Variants in ARB2A observed in about 807,000 individuals in gnomAD.
The protein encoded by ARB2A is cotranscriptional regulator ARB2A.
At chr5:94,021,856 G>A in the ARB2A span, among the ~76,000 whole-genome samples, 23 of 152,150 alleles carry the variant, frequency 1.5e-4, no homozygotes, top group Non-Finnish European at 2.6e-4. Flanking sequence ...TGGATCACCC[G>A]AGGTCAGTTC....
the ARB2A span, chr5:93,881,507 G>C: frequency 6.2e-7 from 1 of 1,610,406 alleles, no homozygotes; most frequent in Admixed American, 1.7e-5. Flanking sequence ...TTCTCTTTGG[G>C]GGTTACGATA....
chr5:93,854,758 T>C, the ARB2A span, among the ~76,000 whole-genome samples: 1 of 152,206 alleles, frequency 6.6e-6, no homozygotes, highest in East Asian at 1.9e-4. Flanking sequence ...TTCCATGTAG[T>C]TGAGCAGTTT....
chr5:94,061,244 G>GA, the ARB2A span, among the ~76,000 whole-genome samples: 82 of 150,094 alleles, frequency 5.5e-4, no homozygotes, highest in Non-Finnish European at 9.4e-4. Flanking sequence ...TCTCAAAAAA[G>GA]AAAAAAAAAT....
chr5:93,855,340 G>A, the ARB2A span, among the ~76,000 whole-genome samples: 131 of 152,046 alleles, frequency 8.6e-4, 1 homozygote, highest in South Asian at 7.9e-3. Context: ...TTTATTTTGA[G>A]CCTATGTGTG....
the ARB2A span, among the ~76,000 whole-genome samples, chr5:93,646,725 A>G: frequency 6.6e-6 from 1 of 152,134 alleles, no homozygotes; most frequent in African/African-American, 2.4e-5. Flanking sequence ...TACATCATGT[A>G]TAGTGATGTG....
At chr5:93,975,087 G>A in the ARB2A span, among the ~76,000 whole-genome samples, 137 of 152,122 alleles carry the variant, frequency 9.0e-4, no homozygotes, top group African/African-American at 3.3e-3. Flanking sequence ...GGCTGAGGCA[G>A]GCGGATCAAG....
chr5:94,082,766 G>A, the ARB2A span, among the ~76,000 whole-genome samples: 2 of 151,614 alleles, frequency 1.3e-5, no homozygotes, highest in Non-Finnish European at 2.9e-5. Context: ...AGCATTTCAT[G>A]TTTGTATATT....
the ARB2A span, among the ~76,000 whole-genome samples, chr5:93,846,035 A>G: frequency 1.4e-5 from 2 of 139,942 alleles, no homozygotes; most frequent in East Asian, 4.3e-4. Context: ...ACACACACAC[A>G]CAATCACACA....
At chr5:93,783,477 C>T in the ARB2A span, among the ~76,000 whole-genome samples, 1 of 152,172 alleles carries the variant, frequency 6.6e-6, no homozygotes. Context: ...GTGGTCCTTA[C>T]AGTGTACCAT....
At chr5:93,725,622 G>T in the ARB2A span, among the ~76,000 whole-genome samples, 2 of 152,118 alleles carry the variant, frequency 1.3e-5, no homozygotes, top group South Asian at 4.1e-4. Context: ...CAAGGACCTT[G>T]CTAATCCCAA....
the ARB2A span, among the ~76,000 whole-genome samples, chr5:93,781,613 C>T: frequency 6.1e-4 from 92 of 152,032 alleles, 1 homozygote; most frequent in African/African-American, 2.0e-3. Flanking sequence ...AATCTCCATA[C>T]TGTTTTCCAC....
At chr5:93,797,588 A>T in the ARB2A span, among the ~76,000 whole-genome samples, 1 of 152,282 alleles carries the variant, frequency 6.6e-6, no homozygotes, top group Non-Finnish European at 1.5e-5. Context: ...TTAGAAAGTC[A>T]ATTATGTATC....
the ARB2A span, among the ~76,000 whole-genome samples, chr5:93,747,113 G>T: frequency 2.0e-5 from 3 of 151,978 alleles, no homozygotes; most frequent in Non-Finnish European, 4.4e-5. Flanking sequence ...TCATTGCACT[G>T]CACAATAAAA....
chr5:94,071,243 TAACTG>T, the ARB2A span, among the ~76,000 whole-genome samples: 234 of 152,142 alleles, frequency 1.5e-3, no homozygotes, highest in African/African-American at 5.3e-3. Flanking sequence ...GTTTAAAAAT[TAACTG>T]AAAATAGATC....
chr5:93,723,808 T>A, the ARB2A span, among the ~76,000 whole-genome samples: 1 of 152,052 alleles, frequency 6.6e-6, no homozygotes, highest in Non-Finnish European at 1.5e-5. Flanking sequence ...AACATTTACA[T>A]TGATGTTAAC....
At chr5:93,950,434 G>T in the ARB2A span, among the ~76,000 whole-genome samples, 1 of 152,094 alleles carries the variant, frequency 6.6e-6, no homozygotes, top group Admixed American at 6.6e-5. Context: ...CTTGAGGTCA[G>T]GAGTTTGAGA....
chr5:93,725,640 C>T, the ARB2A span, among the ~76,000 whole-genome samples: 3 of 151,962 alleles, frequency 2.0e-5, no homozygotes, highest in Non-Finnish European at 4.4e-5. Flanking sequence ...CAAAGAATTT[C>T]TATAAAACAG....
At chr5:93,969,018 C>CT in the ARB2A span, among the ~76,000 whole-genome samples, 4,460 of 113,164 alleles carry the variant, frequency 0.039, 80 homozygotes, top group African/African-American at 0.052. Context: ...GAATTTTTTT[C>CT]TTTTTTTTTT....
the ARB2A span, among the ~76,000 whole-genome samples, chr5:93,701,153 C>T: frequency 4.6e-5 from 7 of 152,250 alleles, no homozygotes; most frequent in South Asian, 6.2e-4. Flanking sequence ...TGTCATTTGA[C>T]GTGCTGTAGT....
Sources: gnomAD v4.1 joint callset for allele counts (sites outside exome capture counted in the v4.1 genomes callset) on GRCh38, gnomAD v4.1.1 for gene constraint, MANE v1.5 for transcripts, NCBI Gene and HGNC (gene_info 2026-07-23, HGNC 2026-07-21) for gene names.